The following INPP5D variants were observed in gnomAD, a reference collection of about 807,000 sequenced individuals.
The protein encoded by INPP5D is phosphatidylinositol 3,4,5-trisphosphate 5-phosphatase 1.
Under a neutral mutation model 122.9 loss-of-function variants are expected in INPP5D, and 33 were observed. The observed-to-expected ratio is 0.27, with a 90% CI of 0.20 to 0.36. The LOEUF (loss-of-function observed/expected upper bound fraction) is 0.36. Among genes scored for constraint, INPP5D ranks in the 10% least tolerant of loss-of-function variants. The pLI is 1.00. For synonymous variants in INPP5D, 584 were observed against 576.2 expected, an observed-to-expected ratio of 1.01 and a Z score of -0.19; for missense variants, 1,053 against 1,412.7, an observed-to-expected ratio of 0.75 and a Z score of 4.08.
chr2:233,195,463 C>A lies in INPP5D; in HGVS notation c.2661C>A (p.His887Gln). Reference sequence around the variant, plus strand: ...AGACCCTGAAGAGCCTCACCAGCCACGACCCCATGAAGCAGTGGGAAGTCA... The same window carrying A: ...AGACCCTGAAGAGCCTCACCAGCCAAGACCCCATGAAGCAGTGGGAAGTCA... ...GPKTLKSLTS[H>Q]DPMKQWEVTS... The change falls in exon 24 of 27, where the codon CAC becomes CAA. Residue 887 changes from histidine (H) to glutamine (Q), a missense_variant. Coordinates refer to ENST00000445964, the MANE Select transcript of INPP5D (RefSeq NM_001017915.3). The A allele has an allele frequency of 6.2e-7, 1 of 1,613,748 alleles. No homozygotes were observed. The highest frequency in any genetic ancestry group is 8.5e-7 in the Non-Finnish European group (1 of 1,179,846).
chr2:233,115,826 G>C (rs1378371462), intron 2 of INPP5D, among the ~76,000 whole-genome samples: 1 of 152,180 alleles, frequency 6.6e-6, no homozygotes, highest in Non-Finnish European at 1.5e-5. Flanking sequence ...TCTCTGCAAG[G>C]AGACTTGGGG....
Position 233,060,423 on chromosome 2 carries a change from T to C in INPP5D, c.-56T>C. The C allele has an allele frequency of 6.5e-7, 1 of 1,530,346 alleles. No individual in the cohort carries two copies. Among genetic ancestry groups the C allele is most frequent in the South Asian group, 1.2e-5 (1 of 83,440 alleles). The allele number at this position is 1,530,346 out of a possible 1,614,324, so 94.8% of individuals were successfully genotyped here. Reference sequence around the variant, plus strand: ...GTGGAGGGGCCTCCGCTCCCCTCGGTGGTGTGTGGGTCCTGGGGGTGCCTG... The same window carrying C: ...GTGGAGGGGCCTCCGCTCCCCTCGGCGGTGTGTGGGTCCTGGGGGTGCCTG... On this transcript the variant is annotated 5_prime_UTR_variant, in exon 1 of 27. Coordinates refer to ENST00000445964, the MANE Select transcript of INPP5D (RefSeq NM_001017915.3).
intron 17 of INPP5D, among the ~76,000 whole-genome samples, chr2:233,175,931 C>G (rs988178181): frequency 2.0e-5 from 3 of 152,172 alleles, no homozygotes; most frequent in Non-Finnish European, 2.9e-5. Context: ...ATCCACCCGC[C>G]TTGGCCTCCC....
intron 10 of INPP5D, among the ~76,000 whole-genome samples, chr2:233,159,415 C>T (rs773561048): frequency 2.0e-5 from 3 of 152,080 alleles, no homozygotes; most frequent in Non-Finnish European, 4.4e-5. Flanking sequence ...AAAATTAGGC[C>T]AGGCACAGTG....
chr2:233,119,913 AC>A (rs1692921081), intron 2 of INPP5D, among the ~76,000 whole-genome samples: 1 of 151,910 alleles, frequency 6.6e-6, no homozygotes, highest in Admixed American at 6.6e-5. Flanking sequence ...ACCTTCAGGC[AC>A]CCTCCCACCT....
At chr2:233,159,238 G>A (rs36133610) in intron 10 of INPP5D, among the ~76,000 whole-genome samples, 88,265 of 152,118 alleles carry the variant, frequency 0.58, 27,354 homozygotes, top group East Asian at 0.98. Flanking sequence ...TGCCCCCACA[G>A]TGGGTTCTTT....
At chr2:233,132,697 AT>A (rs1414950088) in intron 5 of INPP5D, among the ~76,000 whole-genome samples, 1 of 152,152 alleles carries the variant, frequency 6.6e-6, no homozygotes, top group Non-Finnish European at 1.5e-5. Context: ...AACTGCTTTG[AT>A]TAGAATAGGT....
chr2:233,140,112 A>G (rs1459710860), intron 6 of INPP5D, 183 bp downstream of exon 6: 3 of 382,830 alleles, frequency 7.8e-6, no homozygotes, highest in East Asian at 7.4e-5. Context: ...CCAGGAAGCC[A>G]TCTCCCACTG....
Position 233,132,731 on chromosome 2 carries a change from C to T in INPP5D, c.665+2083C>T, listed in dbSNP as rs142627901. On this transcript the variant is annotated intron_variant, in intron 5 of 26. Coordinates refer to ENST00000445964, the MANE Select transcript of INPP5D (RefSeq NM_001017915.3). ...GGTCTTCATTCATTCGTTCATCGAA[C>T]AAACATGTATTGGAGGCCTCCTCTG... Among the ~76,000 whole-genome samples, 212 of 152,288 alleles carry T rather than the reference C, an allele frequency of 1.4e-3. 1 individual carries two copies. The highest frequency in any genetic ancestry group is 0.013 in the Admixed American group (203 of 15,278).
chr2:233,073,799 G>A (rs1191168611), intron 1 of INPP5D, among the ~76,000 whole-genome samples: 5 of 151,052 alleles, frequency 3.3e-5, no homozygotes, highest in East Asian at 3.9e-4. Context: ...CTTTTTCCTC[G>A]TTCACTTTCT....
intron 17 of INPP5D, among the ~76,000 whole-genome samples, chr2:233,173,963 A>C (rs773566246): frequency 3.9e-5 from 6 of 152,130 alleles, no homozygotes; most frequent in African/African-American, 7.2e-5. Context: ...AAATGCACAC[A>C]TTAGCCTAGG....
At chr2:233,178,522 G>A (rs974682244) in intron 18 of INPP5D, among the ~76,000 whole-genome samples, 1 of 149,922 alleles carries the variant, frequency 6.7e-6, no homozygotes, top group Non-Finnish European at 1.5e-5. Context: ...TCTCTCAGTC[G>A]CCCAGGCTGG....
At position 233,082,863 on chromosome 2, in the gene INPP5D, G is replaced by A. The variant is rs950136302; in HGVS notation, c.198+3465G>A. On this transcript the variant is annotated intron_variant, in intron 2 of 26. Coordinates refer to ENST00000445964, the MANE Select transcript of INPP5D (RefSeq NM_001017915.3). This position sits in a 1 kb window ranked among gnomAD's most constrained non-coding sequence, Gnocchi z 4.7. ...CACAGCCAGGCCTCCCGGCCTCCCCGGCTAAGCTTTCTTCCTTCCAATCCA... is the reference window on the plus strand; with the variant it reads ...CACAGCCAGGCCTCCCGGCCTCCCCAGCTAAGCTTTCTTCCTTCCAATCCA... Among the ~76,000 whole-genome samples the A allele has an allele frequency of 2.6e-5, 4 of 152,342 alleles. No individual in the cohort carries two copies. The highest frequency in any genetic ancestry group is 3.4e-3 in the Middle Eastern group (1 of 294).
At chr2:233,069,896 T>C (rs545558085) in intron 1 of INPP5D, among the ~76,000 whole-genome samples, 1 of 152,206 alleles carries the variant, frequency 6.6e-6, no homozygotes, top group Non-Finnish European at 1.5e-5. Flanking sequence ...AGGCTCTTGA[T>C]ACAGAATGAT....
At position 233,170,265 on chromosome 2, in the gene INPP5D, G is replaced by A; in HGVS notation, c.1791+101G>A. The A allele has an allele frequency of 3.9e-6, 6 of 1,528,206 alleles. No homozygotes were observed. The highest frequency in any genetic ancestry group is 1.2e-5 in the South Asian group (1 of 81,440). The allele number at this position is 1,528,206 out of a possible 1,614,324, so 94.7% of individuals were successfully genotyped here. ...GGTCGTGGAGACATGTGAATCAAGT[G>A]GGCTGAGGCGGCTGCTCCCCTTGGG... On this transcript the variant is annotated intron_variant, in intron 15 of 26. Transcript: ENST00000445964. The surrounding 1 kb of genome is among the most constrained non-coding windows in gnomAD (Gnocchi z 4.5).
Position 233,079,378 on chromosome 2 carries a change from G to T in INPP5D, c.178G>T (p.Asp60Tyr), listed in dbSNP as rs1691610790. Residue 60 changes from aspartate to tyrosine, a missense_variant, in exon 2 of 27, where the codon GAT (aspartate) becomes TAT (tyrosine). By Grantham distance (160) the Asp-to-Tyr change is radical (BLOSUM62 -3). This residue lies in a region of INPP5D where 74 missense variants were observed against 146.6 expected (regional missense o/e 0.50). Coordinates refer to ENST00000445964, the MANE Select transcript of INPP5D (RefSeq NM_001017915.3). ...VYTYRILPNE[D>Y]DKFTVQASEG... ...CACTTACAGAATTCTGCCCAATGAA[G>T]ATGATAAATTCACTGTTCAGGTGAG... is the stretch of plus-strand genomic sequence containing the variant. 1.2e-6 allele frequency: 2 copies of T among 1,603,786 alleles called. No homozygotes were observed. Among genetic ancestry groups the T allele is most frequent in the East Asian group, 4.5e-5 (2 of 44,820 alleles).
In INPP5D at chr2:233,160,937, A is replaced by G. The variant is rs867995067; in HGVS notation, c.1138-787A>G. ...GGCATGAGCCACTGTGCCAGGCCCAAATGTTTTATTAAAAATGCAATGATG... is the reference window on the plus strand; with the variant it reads ...GGCATGAGCCACTGTGCCAGGCCCAGATGTTTTATTAAAAATGCAATGATG... On this transcript the variant is annotated intron_variant, in intron 10 of 26. Transcript: ENST00000445964. This position sits in a 1 kb window ranked among gnomAD's most constrained non-coding sequence, Gnocchi z 4.2. 7.9e-5 allele frequency among the ~76,000 whole-genome samples: 12 copies of G among 151,374 alleles called. No homozygotes were observed. The South Asian group carries it at 1.7e-3, about 21-fold the overall frequency.
At chr2:233,091,138 C>T (rs1189200557) in intron 2 of INPP5D, among the ~76,000 whole-genome samples, 2 of 152,170 alleles carry the variant, frequency 1.3e-5, no homozygotes, top group East Asian at 3.9e-4. Context: ...CTGCCTTGTG[C>T]TTGGGACTCC....
rs545282893 is a variant in INPP5D at position 233,196,696 on chromosome 2, C to T, written c.2693+1201C>T. 2.6e-4 allele frequency among the ~76,000 whole-genome samples: 39 copies of T among 152,312 alleles called. 1 individual carries two copies. The South Asian group carries it at 7.0e-3, about 28-fold the overall frequency. ...TGGTAGCAGGGCTGCCCTAACTCAC[C>T]GATGTGGTCTCCGAGATCCAGAATC... On this transcript the variant is annotated intron_variant, in intron 24 of 26. Coordinates refer to ENST00000445964, the MANE Select transcript of INPP5D (RefSeq NM_001017915.3).
Sources: allele counts gnomAD v4.1 joint callset (sites outside exome capture counted in the v4.1 genomes callset), GRCh38; gene constraint gnomAD v4.1.1; regional missense constraint gnomAD v4.1.1; non-coding constraint Gnocchi (gnomAD v3.1); transcripts MANE v1.5; gene names NCBI Gene and HGNC (gene_info 2026-07-23, HGNC 2026-07-21).